PRR14L: variants seen among roughly 807,000 people sequenced by gnomAD.
PRR14L encodes the protein protein PRR14L.
PRR14L carries 80 observed loss-of-function variants against 155.0 expected under a neutral mutation model. The observed-to-expected ratio is 0.52, with a 90% CI of 0.43 to 0.62. The LOEUF (loss-of-function observed/expected upper bound fraction) is 0.62. PRR14L is among the 20% of genes least tolerant of loss of function. PRR14L has a pLI of 0.00. For missense variants in PRR14L, 2,469 were observed against 2,548.0 expected, an observed-to-expected ratio of 0.97 and a Z score of 0.67; for synonymous variants, 883 against 916.0, an observed-to-expected ratio of 0.96 and a Z score of 0.65.
chr22:31,715,940 A>C lies in PRR14L; in HGVS notation c.1899T>G (p.Asn633Lys). ...LDEQSIACEM[N>K]ELSCTNELVV... ...CCAGTTCATTGGTACAAGAAAGTTC[A>C]TTCATCTCACAGGCTATGCTCTGTT... Residue 633 changes from asparagine (N) to lysine (K), a missense_variant, in exon 4 of 9, where the codon AAT (asparagine) becomes AAG (lysine). This residue lies in a region of PRR14L where 2,363 missense variants were observed against 2,371.6 expected (regional missense o/e 1.00). Transcript: ENST00000327423. 6.4e-7 allele frequency: 1 copy of C among 1,551,838 alleles called. No homozygotes were observed. The highest frequency in any genetic ancestry group is 1.2e-5 in the South Asian group (1 of 84,062).
intron 2 of PRR14L, among the ~76,000 whole-genome samples, chr22:31,728,248 T>G (rs1227434467): frequency 6.6e-6 from 1 of 152,198 alleles, no homozygotes; most frequent in Non-Finnish European, 1.5e-5. Context: ...AGCAGAAATG[T>G]ATCAGATGCA....
At chr22:31,707,743 T>C (rs1279298776) in intron 4 of PRR14L, among the ~76,000 whole-genome samples, 1 of 152,154 alleles carries the variant, frequency 6.6e-6, no homozygotes, top group Non-Finnish European at 1.5e-5. Flanking sequence ...ATTATGAGAT[T>C]TTAGAGGCAT....
chr22:31,715,353 T>C lies in PRR14L; in HGVS notation c.2486A>G (p.Gln829Arg). Reference sequence around the variant, plus strand: ...TCCTTGGCAGCAGTGATCACGGTGCTGAAATGCATTTTCATATTTTGTTAT... The same window carrying C: ...TCCTTGGCAGCAGTGATCACGGTGCCGAAATGCATTTTCATATTTTGTTAT... The part of the protein sequence containing the change: ...SLITKYENAF[Q>R]HRDHCCQGTG... The change falls in exon 4 of 9, where the codon CAG becomes CGG. Residue 829 changes from glutamine to arginine, a missense_variant. This residue lies in a region of PRR14L where 2,363 missense variants were observed against 2,371.6 expected (regional missense o/e 1.00). Coordinates refer to ENST00000327423, the MANE Select transcript of PRR14L (RefSeq NM_173566.3). 1 of 1,552,114 alleles carries C rather than the reference T, an allele frequency of 6.4e-7. No individual in the cohort carries two copies.
intron 2 of PRR14L, among the ~76,000 whole-genome samples, chr22:31,731,814 ATTCT>A (rs1413912885): frequency 6.6e-6 from 1 of 152,078 alleles, no homozygotes; most frequent in Non-Finnish European, 1.5e-5. Flanking sequence ...TTTTGACTTT[ATTCT>A]TTAAGAGGAT....
intron 2 of PRR14L, among the ~76,000 whole-genome samples, chr22:31,729,546 C>T (rs577124829): frequency 7.9e-5 from 12 of 152,158 alleles, no homozygotes; most frequent in Admixed American, 3.3e-4. Flanking sequence ...CTTTGGGACA[C>T]GATCCTAAGA....
At position 31,734,191 on chromosome 22, in the gene PRR14L, T is replaced by C. The variant is rs149988537; in HGVS notation, c.474+4196A>G. On this transcript the variant is annotated intron_variant, in intron 2 of 8. Transcript: ENST00000327423. ...TTTCACCATGTTGGCCAGGATGGTC[T>C]CAATCTCTTGACCTCATCATCCTCC... is the stretch of plus-strand genomic sequence containing the variant. Among the ~76,000 whole-genome samples the C allele has an allele frequency of 6.0e-3, 915 of 152,240 alleles. 3 individuals carry two copies. Among genetic ancestry groups the C allele is most frequent in the Non-Finnish European group, 0.01 (694 of 68,006 alleles).
rs776988821 is a variant in PRR14L at position 31,713,585 on chromosome 22, G to A, written c.4254C>T (p.Cys1418=). The A allele has an allele frequency of 3.2e-6, 5 of 1,552,000 alleles. No individual in the cohort carries two copies. The South Asian group carries it at 3.6e-5, about 11-fold the overall frequency. ...QQKAHTISQQ[C]ISSSLLLDDA... ...CATCTAACAACAGACTAGATGATAT[G>A]CACTGTTGCGATATCGTATGTGCTT... The change falls in exon 4 of 9, where the codon TGC becomes TGT. Residue 1418 remains cysteine (C), a synonymous_variant. Coordinates refer to ENST00000327423, the MANE Select transcript of PRR14L (RefSeq NM_173566.3).
At position 31,711,643 on chromosome 22, in the gene PRR14L, G is replaced by A. The variant is rs1402547446; in HGVS notation, c.5756+440C>T. Among the ~76,000 whole-genome samples, 3 of 151,750 alleles carry A rather than the reference G, an allele frequency of 2.0e-5. No individual in the cohort carries two copies. The East Asian group carries it at 5.8e-4, about 29-fold the overall frequency. On this transcript the variant is annotated intron_variant, in intron 4 of 8. Transcript: ENST00000327423. ...CTAAAAAATACAAAAACTTAGCCGG[G>A]TGTGGTGGCGCATGCCTGTAATCCC...
chr22:31,686,741 G>GT (rs941783860), intron 8 of PRR14L, among the ~76,000 whole-genome samples: 1 of 151,482 alleles, frequency 6.6e-6, no homozygotes, highest in Non-Finnish European at 1.5e-5. Flanking sequence ...GCTCTGATTC[G>GT]TTTTTTTTAA....
In PRR14L at chr22:31,715,485, A is replaced by T. The variant is rs1166866625; in HGVS notation, c.2354T>A (p.Ile785Asn). 2 of 1,552,316 alleles carry T rather than the reference A, an allele frequency of 1.3e-6. No homozygotes were observed. Among genetic ancestry groups the T allele is most frequent in the East Asian group, 4.9e-5 (2 of 40,930 alleles). Reference sequence around the variant, plus strand: ...TTTTCTTACACGATGACAGCTAGAGATATCCTGAGATTGAACGCTGTGACA... The same window carrying T: ...TTTTCTTACACGATGACAGCTAGAGTTATCCTGAGATTGAACGCTGTGACA... Reference protein sequence around the residue: ...IECHSVQSQDISSCHRVRKNV... With the variant: ...IECHSVQSQDNSSCHRVRKNV... The change falls in exon 4 of 9, where the codon ATC (isoleucine) becomes AAC (asparagine). Residue 785 changes from isoleucine (I) to asparagine (N), a missense_variant. By Grantham distance (149) the Ile-to-Asn change is moderately radical (BLOSUM62 -3). This residue lies in a region of PRR14L where 2,363 missense variants were observed against 2,371.6 expected (regional missense o/e 1.00). Coordinates refer to ENST00000327423, the MANE Select transcript of PRR14L (RefSeq NM_173566.3).
At chr22:31,694,424 C>G (rs867256418) in intron 7 of PRR14L, among the ~76,000 whole-genome samples, 2 of 152,120 alleles carry the variant, frequency 1.3e-5, no homozygotes, top group South Asian at 2.1e-4. Flanking sequence ...GAGTTCAAGA[C>G]CAGCCTGACC....
Position 31,750,109 on chromosome 22 carries a change from G to A in PRR14L, c.-168C>T, listed in dbSNP as rs117041518. ...AGCCGACAGAGGCCGGGGGCGCTCCGGCCGCCGCCACCTCTTCGTCTCTAT... is the reference window on the plus strand; with the variant it reads ...AGCCGACAGAGGCCGGGGGCGCTCCAGCCGCCGCCACCTCTTCGTCTCTAT... On this transcript the variant is annotated 5_prime_UTR_variant, in exon 1 of 9. Transcript: ENST00000327423. 1,321 of 152,590 alleles carry A rather than the reference G, an allele frequency of 8.7e-3. 9 individuals carry two copies. Among genetic ancestry groups the A allele is most frequent in the South Asian group, 0.015 (74 of 4,830 alleles). 9.5% of individuals were successfully genotyped at this position (152,590 alleles called of 1,614,324 possible). A position where few individuals can be genotyped will look rare whatever the true frequency, so the allele number is the denominator to read the frequency against.
At chr22:31,686,955 T>C (rs2074485073) in intron 8 of PRR14L, among the ~76,000 whole-genome samples, 1 of 152,214 alleles carries the variant, frequency 6.6e-6, no homozygotes, top group African/African-American at 2.4e-5. Context: ...TTTACAATCA[T>C]ATCTGAAAAA....
At chr22:31,698,463 G>A (rs550879751) in intron 7 of PRR14L, among the ~76,000 whole-genome samples, 3 of 150,770 alleles carry the variant, frequency 2.0e-5, no homozygotes, top group Non-Finnish European at 1.5e-5. Context: ...TCCAGCCTGG[G>A]CAACAACTAC....
At chr22:31,685,837 C>A (rs937836881) in intron 8 of PRR14L, 34 bp from the exon 9 acceptor site, 22 of 1,541,448 alleles carry the variant, frequency 1.4e-5, no homozygotes, top group African/African-American at 2.7e-5. Context: ...CACCAACAGA[C>A]TGACTCACAT....
In PRR14L at chr22:31,695,163, C is replaced by T. The variant is rs907393543; in HGVS notation, c.6107+6493G>A. On this transcript the variant is annotated intron_variant, in intron 7 of 8. Coordinates refer to ENST00000327423, the MANE Select transcript of PRR14L (RefSeq NM_173566.3). ...AAAAAAAGAACAGCTCTTTGTGAAG[C>T]GAATAATGTATCAAAATTTTACTGT... Among the ~76,000 whole-genome samples, 7 of 152,234 alleles carry T rather than the reference C, an allele frequency of 4.6e-5. No homozygotes were observed. In the South Asian group the frequency reaches 8.3e-4, roughly 18 times the overall value.
At chr22:31,693,593 C>T (rs1569497263) in intron 7 of PRR14L, among the ~76,000 whole-genome samples, 2 of 152,282 alleles carry the variant, frequency 1.3e-5, no homozygotes, top group Admixed American at 1.3e-4. Flanking sequence ...CCAAGGAGTG[C>T]AGCTGCTGTA....
intron 3 of PRR14L, among the ~76,000 whole-genome samples, chr22:31,721,606 T>C (rs1390220884): frequency 2.6e-5 from 4 of 151,072 alleles, no homozygotes; most frequent in Admixed American, 1.3e-4. Flanking sequence ...TTTTAGCTAA[T>C]TGAGCAGCAG....
intron 3 of PRR14L, among the ~76,000 whole-genome samples, chr22:31,718,663 A>AGGCTGGTCTC (rs2074673736): frequency 6.6e-6 from 1 of 152,142 alleles, no homozygotes; most frequent in African/African-American, 2.4e-5. Flanking sequence ...CTGTTCCCCT[A>AGGCTGGTCTC]AGAGAACCCT....
Sources: allele counts gnomAD v4.1 joint callset (sites outside exome capture counted in the v4.1 genomes callset), GRCh38; gene constraint gnomAD v4.1.1; regional missense constraint gnomAD v4.1.1; transcripts MANE v1.5; gene names NCBI Gene and HGNC (gene_info 2026-07-23, HGNC 2026-07-21).